Variants in SCARB2 observed in about 807,000 individuals in gnomAD.
The protein encoded by SCARB2 is lysosome membrane protein 2.
Under a neutral mutation model 58.6 loss-of-function variants are expected in SCARB2, and 29 were observed. That is an observed-to-expected ratio of 0.49 (90% CI 0.37 to 0.67). The LOEUF is 0.67. Among genes scored for constraint, SCARB2 ranks in the 30% least tolerant of loss-of-function variants. The pLI, the probability that SCARB2 is intolerant of heterozygous loss-of-function variation, is 0.00. For synonymous variants in SCARB2, 195 were observed against 210.1 expected (o/e 0.93, Z 0.62); for missense variants, 488 against 578.5 (o/e 0.84, Z 1.60).
rs3733257 is a variant in SCARB2, at chr4:76,174,421, C to T, written c.825-108G>A. 163,746 of 942,850 alleles carry T rather than the reference C, an allele frequency of 0.17. 16,802 individuals are homozygous for T. The highest frequency in any genetic ancestry group is 0.39 in the African/African-American group (23,951 of 61,746). 58.4% of individuals were successfully genotyped at this position (942,850 alleles called of 1,614,324 possible). A position where few individuals can be genotyped will look rare whatever the true frequency, so the allele number is the denominator to read the frequency against. On this transcript the variant is annotated intron_variant, in intron 6 of 11. Transcript: ENST00000264896. Reference sequence around the variant, plus strand: ...CAGGTACAACATGGCCAAAAGCTCACAGGGTAAGTAGAAAGGAATGTTTGG... The same window carrying T: ...CAGGTACAACATGGCCAAAAGCTCATAGGGTAAGTAGAAAGGAATGTTTGG...
At chr4:76,205,379 T>C (rs979373089) in intron 1 of SCARB2, among the ~76,000 whole-genome samples, 3 of 151,380 alleles carry the variant, frequency 2.0e-5, no homozygotes, top group East Asian at 3.9e-4. Context: ...CCCCAAAATA[T>C]TGTATATTTG....
chr4:76,161,842 AAGG>A (rs1731905671), intron 11 of SCARB2, 91 bp from the exon 12 acceptor site: 12 of 1,226,776 alleles, frequency 9.8e-6, no homozygotes, highest in Admixed American at 8.8e-5. Context: ...GGGGGCATGG[AAGG>A]AGGAGAGACC....
At position 76,174,248 on chromosome 4, in the gene SCARB2, A is replaced by T; in HGVS notation, c.890T>A (p.Val297Asp). The T allele has an allele frequency of 6.2e-7, 1 of 1,614,192 alleles. No individual in the cohort carries two copies. Among genetic ancestry groups the T allele is most frequent in the Non-Finnish European group, 8.5e-7 (1 of 1,180,030 alleles). ...CGTATTGGCTAATATTTCTGCAGGA[A>T]CTTTATACCGAAAGGCAGGCAGTCC... is the stretch of plus-strand genomic sequence containing the variant. ...VQGLPAFRYKVPAEILANTSD... is the reference protein window; with the variant it reads ...VQGLPAFRYKDPAEILANTSD... The change falls in exon 7 of 12, where the codon GTT becomes GAT. Residue 297 changes from valine (V) to aspartate (D), a missense_variant. Transcript: ENST00000264896.
At chr4:76,201,908 C>T (rs1217572396) in intron 1 of SCARB2, among the ~76,000 whole-genome samples, 2 of 152,156 alleles carry the variant, frequency 1.3e-5, no homozygotes, top group African/African-American at 2.4e-5. Context: ...ATTCTTTCCA[C>T]AAATATTAAC....
chr4:76,171,663 A>G (rs1228332860), intron 7 of SCARB2, among the ~76,000 whole-genome samples: 3 of 152,220 alleles, frequency 2.0e-5, no homozygotes, highest in Non-Finnish European at 2.9e-5. Context: ...AAAAACAGCA[A>G]GAGAAAATAT....
At chr4:76,197,687 C>T (rs976021147) in intron 1 of SCARB2, among the ~76,000 whole-genome samples, 1 of 152,172 alleles carries the variant, frequency 6.6e-6, no homozygotes, top group Non-Finnish European at 1.5e-5. Context: ...TGTATTTTTA[C>T]TGTAAAAACG....
intron 2 of SCARB2, among the ~76,000 whole-genome samples, chr4:76,190,527 T>C (rs1301991636): frequency 1.3e-5 from 2 of 152,178 alleles, no homozygotes; most frequent in African/African-American, 2.4e-5. Flanking sequence ...CTCACGCCTG[T>C]AGTCCCAGCA....
chr4:76,181,818 G>A (rs1324866682), intron 2 of SCARB2, among the ~76,000 whole-genome samples: 2 of 152,022 alleles, frequency 1.3e-5, no homozygotes, highest in African/African-American at 4.8e-5. Context: ...CTCCTGCCTC[G>A]ACCTTCCAAA....
In SCARB2 at chr4:76,190,136, G is replaced by A. The variant is rs114527379; in HGVS notation, c.275+5571C>T. ...CGATGCTCCCACCTCAGCCTCCCAC[G>A]TAGCTGGGGCCACAGGCACATGCCA... On this transcript the variant is annotated intron_variant, in intron 2 of 11. Coordinates refer to ENST00000264896, the MANE Select transcript of SCARB2 (RefSeq NM_005506.4). 2.9e-3 allele frequency among the ~76,000 whole-genome samples: 439 copies of A among 151,490 alleles called. 3 individuals carry two copies. In the Middle Eastern group the frequency reaches 0.051, roughly 18 times the overall value.
intron 1 of SCARB2, among the ~76,000 whole-genome samples, chr4:76,233,571 ATC>A (rs1560731463): frequency 1.2e-5 from 1 of 82,436 alleles, no homozygotes; most frequent in East Asian, 3.4e-4. Flanking sequence ...TTTTACAGAC[ATC>A]ACACACACAC....
rs932143404 is a variant in SCARB2, at chr4:76,188,611, C to A, written c.275+7096G>T. Among the ~76,000 whole-genome samples the A allele has an allele frequency of 4.6e-5, 7 of 152,338 alleles. No individual in the cohort carries two copies. The East Asian group carries it at 1.3e-3, about 29-fold the overall frequency. Reference sequence around the variant, plus strand: ...CTCCCCTTCCTTTGCCCCAGGCCCCCTGGCATACAATTGATGGAGTCAGCT... The same window carrying A: ...CTCCCCTTCCTTTGCCCCAGGCCCCATGGCATACAATTGATGGAGTCAGCT... On this transcript the variant is annotated intron_variant, in intron 2 of 11. Transcript: ENST00000264896.
At chr4:76,218,621 A>C (rs1290535952), upstream of SCARB2, among the ~76,000 whole-genome samples, 1 of 152,156 alleles carries the variant, frequency 6.6e-6, no homozygotes, top group Non-Finnish European at 1.5e-5. Flanking sequence ...GGGTTATGGG[A>C]AAATGAGAAT....
intron 10 of SCARB2, 141 bp downstream of exon 10, chr4:76,166,109 G>A (rs942977802): frequency 5.9e-6 from 5 of 851,774 alleles, no homozygotes; most frequent in Non-Finnish European, 8.1e-6. Flanking sequence ...GAACATTTAA[G>A]TGAAATTTTC....
At position 76,213,631 on chromosome 4, in the gene SCARB2, A is replaced by C; in HGVS notation, c.-88T>G. ...AGGAGCCGCCGCAGAGGCGTCGAAGACCCGGGACCCTTCGGCGCCACGCCC... is the reference window on the plus strand; with the variant it reads ...AGGAGCCGCCGCAGAGGCGTCGAAGCCCCGGGACCCTTCGGCGCCACGCCC... On this transcript the variant is annotated 5_prime_UTR_variant, in exon 1 of 12. Transcript: ENST00000264896. The C allele has an allele frequency of 9.4e-7, 1 of 1,068,022 alleles. No homozygotes were observed. The highest frequency in any genetic ancestry group is 1.3e-5 in the South Asian group (1 of 75,968). The allele number at this position is 1,068,022 out of a possible 1,614,324, so 66.2% of individuals were successfully genotyped here.
chr4:76,208,584 G>A (rs1472525723), intron 1 of SCARB2, among the ~76,000 whole-genome samples: 4 of 152,222 alleles, frequency 2.6e-5, no homozygotes, highest in Non-Finnish European at 5.9e-5. Flanking sequence ...AACAGAGGAA[G>A]CCTGTTGGTG....
At chr4:76,229,403 G>A (rs1196600480) in intron 1 of SCARB2, among the ~76,000 whole-genome samples, 1 of 152,098 alleles carries the variant, frequency 6.6e-6, no homozygotes, top group African/African-American at 2.4e-5. Context: ...GTTTTGTGGG[G>A]TGTTATAGAA....
chr4:76,230,857 G>T (rs1733480551), intron 1 of SCARB2, among the ~76,000 whole-genome samples: 1 of 152,102 alleles, frequency 6.6e-6, no homozygotes, highest in Non-Finnish European at 1.5e-5. Context: ...TTATGCCATG[G>T]ACACTAACGT....
chr4:76,215,732 G>C (rs1347071726), upstream of SCARB2, among the ~76,000 whole-genome samples: 3 of 152,084 alleles, frequency 2.0e-5, no homozygotes, highest in Non-Finnish European at 4.4e-5. Context: ...GGAGACTGCT[G>C]CAGAGAACAT....
At chr4:76,175,694 G>T in intron 6 of SCARB2, 97 bp downstream of exon 6, 1 of 1,389,864 alleles carries the variant, frequency 7.2e-7, no homozygotes, top group Non-Finnish European at 1.0e-6. Flanking sequence ...AAATATCCAT[G>T]CATAATAAGT....
Sources: allele counts gnomAD v4.1 joint callset (sites outside exome capture counted in the v4.1 genomes callset), GRCh38; gene constraint gnomAD v4.1.1; transcripts MANE v1.5; gene names NCBI Gene and HGNC (gene_info 2026-07-23, HGNC 2026-07-21).